Variants in ZNF354C observed in about 807,000 individuals in gnomAD.
The protein encoded by ZNF354C is zinc finger protein 354C.
ZNF354C carries 7 observed loss-of-function variants against 12.4 expected under a neutral mutation model. That is an observed-to-expected ratio of 0.56 (90% confidence interval 0.32 to 1.06). The LOEUF (loss-of-function observed/expected upper bound fraction) is 1.06, where lower values mean the gene tolerates loss of function less well. ZNF354C is among the 50% of genes least tolerant of loss of function. The probability of loss-of-function intolerance (pLI) is 0.04; values close to 1 mark genes in which losing one functional copy is unlikely to be tolerated. For missense variants in ZNF354C, 609 were observed against 658.0 expected (o/e 0.93, Z 0.81); for synonymous variants, 202 against 224.5 (o/e 0.90, Z 0.90).
Position 179,080,089 on chromosome 5 carries a change from G to A in ZNF354C, c.1657G>A (p.Glu553Lys), listed in dbSNP as rs1445845. ...ATTTTTTAAAGGAGATAAAGCCTAT[G>A]AGGTTTAGTTCATCTCTCAAATAAT... The part of the protein sequence containing the change: ...QRFFKGDKAY[E>K]V Residue 553 changes from glutamate (E) to lysine (K), a missense_variant, in exon 5 of 5, where the codon GAG (glutamate) becomes AAG (lysine). Transcript: ENST00000315475. The A allele has an allele frequency of 0.69, 1,078,298 of 1,561,944 alleles. 375,343 individuals carry two copies. The highest frequency in any genetic ancestry group is 0.88 in the East Asian group (39,494 of 44,706).
intron 2 of ZNF354C, among the ~76,000 whole-genome samples, chr5:179,075,332 G>T (rs1475894808): frequency 1.3e-5 from 2 of 151,736 alleles, no homozygotes; most frequent in Non-Finnish European, 2.9e-5. Flanking sequence ...TGAGGCAGGA[G>T]AATTGCTTGA....
Position 179,080,397 on chromosome 5 carries a change from AC to A in ZNF354C, c.*302del. ...ATATACATTTTGTTTCTCTCATAAG[AC>A]CATATTCCCTTTAAAAGAGTAAGCT... On this transcript the variant is annotated 3_prime_UTR_variant, in exon 5 of 5. Transcript: ENST00000315475. 5.6e-6 allele frequency: 1 copy of A among 177,424 alleles called. No homozygotes were observed. Among genetic ancestry groups the A allele is most frequent in the Non-Finnish European group, 1.2e-5 (1 of 84,872 alleles). 11.0% of individuals were successfully genotyped at this position (177,424 alleles called of 1,614,324 possible).
chr5:179,082,946 G>A lies in ZNF354C; in HGVS notation c.*2849G>A. 1 of 870,438 alleles carries A rather than the reference G, an allele frequency of 1.1e-6. No homozygotes were observed. Among genetic ancestry groups the A allele is most frequent in the Non-Finnish European group, 1.9e-6 (1 of 515,586 alleles). 53.9% of individuals were successfully genotyped at this position (870,438 alleles called of 1,614,324 possible). ...CCTCATCTCCTGCCTGGAGCTCAAGGCCATCCTCAACTTCTTTCATATGGA... is the reference window on the plus strand; with the variant it reads ...CCTCATCTCCTGCCTGGAGCTCAAGACCATCCTCAACTTCTTTCATATGGA... On this transcript the variant is annotated 3_prime_UTR_variant, in exon 5 of 5. Coordinates refer to ENST00000315475, the MANE Select transcript of ZNF354C (RefSeq NM_014594.3).
chr5:179,075,420 C>CA (rs201816506), intron 2 of ZNF354C, among the ~76,000 whole-genome samples: 7,856 of 145,274 alleles, frequency 0.054, 422 homozygotes, highest in African/African-American at 0.15. Flanking sequence ...GACTCCATCT[C>CA]AAAAAAAAAA....
At chr5:179,075,430 A>T (rs1029142077) in intron 2 of ZNF354C, among the ~76,000 whole-genome samples, 7 of 151,826 alleles carry the variant, frequency 4.6e-5, no homozygotes, top group Admixed American at 6.6e-5. Flanking sequence ...CAAAAAAAAA[A>T]TTATAAATAA....
At chr5:179,069,577 A>G (rs1762014642) in intron 2 of ZNF354C, among the ~76,000 whole-genome samples, 1 of 147,834 alleles carries the variant, frequency 6.8e-6, no homozygotes, top group Non-Finnish European at 1.5e-5. Context: ...AAAAAAAAAA[A>G]AAGAAAGGCC....
Position 179,083,945 on chromosome 5 carries a change from CCTAT to C in ZNF354C, c.*3855_*3858del, listed in dbSNP as rs1762261139. On this transcript the variant is annotated 3_prime_UTR_variant, in exon 5 of 5. Transcript: ENST00000315475. Reference sequence around the variant, plus strand: ...AGGAGACTCCCCATTGCTTTTCTTCCCTATCTATCTTCCTGCTACTTGGACCTGG... The same window carrying C: ...AGGAGACTCCCCATTGCTTTTCTTCCCTATCTTCCTGCTACTTGGACCTGG... 6.6e-6 allele frequency among the ~76,000 whole-genome samples: 1 copy of C among 151,350 alleles called. No individual in the cohort carries two copies. Among genetic ancestry groups the C allele is most frequent in the African/African-American group, 2.4e-5 (1 of 41,152 alleles).
chr5:179,082,901 A>C lies in ZNF354C; in HGVS notation c.*2804A>C. On this transcript the variant is annotated 3_prime_UTR_variant, in exon 5 of 5. Coordinates refer to ENST00000315475, the MANE Select transcript of ZNF354C (RefSeq NM_014594.3). ...CACTGCACTTGCCAGTGCGCTGATG[A>C]AGAATCACGGAGAACTCCACCTCAT... 1 of 1,009,222 alleles carries C rather than the reference A, an allele frequency of 9.9e-7. No individual in the cohort carries two copies. The highest frequency in any genetic ancestry group is 1.6e-6 in the Non-Finnish European group (1 of 633,364). The allele number at this position is 1,009,222 out of a possible 1,614,324, so 62.5% of individuals were successfully genotyped here. A position where few individuals can be genotyped will look rare whatever the true frequency, so the allele number is the denominator to read the frequency against.
chr5:179,068,943 G>C (rs891231330), intron 2 of ZNF354C, among the ~76,000 whole-genome samples: 4 of 152,204 alleles, frequency 2.6e-5, no homozygotes, highest in African/African-American at 9.6e-5. Flanking sequence ...GCGTGTCCGT[G>C]TCCTGATCTC....
intron 2 of ZNF354C, among the ~76,000 whole-genome samples, chr5:179,069,561 CAAAA>C (rs761235131): frequency 1.3e-5 from 1 of 77,636 alleles, no homozygotes; most frequent in Admixed American, 1.5e-4. Context: ...GACTCCATCT[CAAAA>C]AAAAAAAAAA....
In ZNF354C at chr5:179,082,520, T is replaced by C. The variant is rs1399142090; in HGVS notation, c.*2423T>C. 6.4e-6 allele frequency: 4 copies of C among 622,064 alleles called. No homozygotes were observed. The Admixed American group carries it at 1.1e-4, about 18-fold the overall frequency. 38.5% of individuals were successfully genotyped at this position (622,064 alleles called of 1,614,324 possible). ...TTTCTTAAATTTATTTTTTTAAACATAACACGAGGAAGCTGTTAAAACTGG... is the reference window on the plus strand; with the variant it reads ...TTTCTTAAATTTATTTTTTTAAACACAACACGAGGAAGCTGTTAAAACTGG... On this transcript the variant is annotated 3_prime_UTR_variant, in exon 5 of 5. Coordinates refer to ENST00000315475, the MANE Select transcript of ZNF354C (RefSeq NM_014594.3).
At chr5:179,071,796 C>A (rs1469696634) in intron 2 of ZNF354C, among the ~76,000 whole-genome samples, 6 of 152,168 alleles carry the variant, frequency 3.9e-5, no homozygotes, top group African/African-American at 1.4e-4. Context: ...ATTCTGTGCA[C>A]AAACTCTGCC....
Position 179,083,145 on chromosome 5 carries a change from A to C in ZNF354C, c.*3048A>C, listed in dbSNP as rs146490612. ...AGTAAAACAAAAAGTGGTCTCTGCT[A>C]GATTAAGACAAGAGACATAACCAAA... On this transcript the variant is annotated 3_prime_UTR_variant, in exon 5 of 5. Coordinates refer to ENST00000315475, the MANE Select transcript of ZNF354C (RefSeq NM_014594.3). 1.4e-3 allele frequency: 712 copies of C among 504,418 alleles called. 6 individuals carry two copies. The highest frequency in any genetic ancestry group is 0.011 in the East Asian group (332 of 29,342). 31.2% of individuals were successfully genotyped at this position (504,418 alleles called of 1,614,324 possible).
rs1011094389 is a variant in ZNF354C at position 179,082,861 on chromosome 5, G to A, written c.*2764G>A. On this transcript the variant is annotated 3_prime_UTR_variant, in exon 5 of 5. Transcript: ENST00000315475. ...ACAGCCTTGGGGCCCTCACAGACTC[G>A]CCAAACATTCCAGGCACTGCACTTG... The A allele has an allele frequency of 6.8e-6, 8 of 1,174,812 alleles. No homozygotes were observed. Among genetic ancestry groups the A allele is most frequent in the East Asian group, 2.3e-5 (1 of 42,726 alleles). 72.8% of individuals were successfully genotyped at this position (1,174,812 alleles called of 1,614,324 possible). A position where few individuals can be genotyped will look rare whatever the true frequency, so the allele number is the denominator to read the frequency against.
chr5:179,078,607 C>T, intron 4 of ZNF354C, 76 bp from the exon 5 acceptor site: 1 of 1,140,150 alleles, frequency 8.8e-7, no homozygotes, highest in Non-Finnish European at 1.3e-6. Context: ...ATACTGTTAC[C>T]AGTTTTTTTG....
In ZNF354C at chr5:179,079,226, T is replaced by G. The variant is rs1762180927; in HGVS notation, c.794T>G (p.Ile265Ser). The change falls in exon 5 of 5, where the codon ATT becomes AGT. Residue 265 changes from isoleucine (I) to serine (S), a missense_variant. Coordinates refer to ENST00000315475, the MANE Select transcript of ZNF354C (RefSeq NM_014594.3). The surrounding 1 kb of genome is among the most constrained non-coding windows in gnomAD (Gnocchi z 4.2). ...TCATCCCTTCTTTCTCATCAGAGAA[T>G]TCATACTGGAGAGAAACCTTACAAG... ...HRSSLLSHQR[I>S]HTGEKPYKCN... The G allele has an allele frequency of 6.2e-7, 1 of 1,613,934 alleles. No homozygotes were observed. The highest frequency in any genetic ancestry group is 8.5e-7 in the Non-Finnish European group (1 of 1,180,008).
At position 179,079,977 on chromosome 5, in the gene ZNF354C, A is replaced by C; in HGVS notation, c.1545A>C (p.Lys515Asn). 1.9e-6 allele frequency: 3 copies of C among 1,614,078 alleles called. No homozygotes were observed. In the South Asian group the frequency reaches 3.3e-5, roughly 18 times the overall value. Residue 515 changes from lysine to asparagine, a missense_variant, in exon 5 of 5, where the codon AAA becomes AAC. Coordinates refer to ENST00000315475, the MANE Select transcript of ZNF354C (RefSeq NM_014594.3). This position sits in a 1 kb window ranked among gnomAD's most constrained non-coding sequence, Gnocchi z 4.2. ...YSYRSNLCRH[K>N]KVHTKEKLYK... ...ACAGATCAAACCTTTGTAGACACAA[A>C]AAAGTTCACACGAAAGAGAAACTCT...
chr5:179,062,138 G>A (rs1761902247), intron 2 of ZNF354C, 43 bp downstream of exon 2: 2 of 1,612,402 alleles, frequency 1.2e-6, no homozygotes, highest in African/African-American at 1.3e-5. Flanking sequence ...GTTGGCTTCT[G>A]GATTCAGAGA....
chr5:179,065,379 G>C (rs1761946035), intron 2 of ZNF354C, among the ~76,000 whole-genome samples: 1 of 151,988 alleles, frequency 6.6e-6, no homozygotes, highest in Non-Finnish European at 1.5e-5. Flanking sequence ...TAATAGTTTT[G>C]AGGAGTACTG....
Sources: gnomAD v4.1 joint callset for allele counts (sites outside exome capture counted in the v4.1 genomes callset) on GRCh38, gnomAD v4.1.1 for gene constraint, Gnocchi (gnomAD v3.1) non-coding constraint, MANE v1.5 for transcripts, NCBI Gene and HGNC (gene_info 2026-07-23, HGNC 2026-07-21) for gene names.